Variants in ABCE1 observed in about 807,000 individuals in gnomAD.
ABCE1 encodes the protein ATP binding cassette subfamily E member 1, also known as ATP-binding cassette sub-family E member 1.
A neutral mutation model predicts 83.4 loss-of-function variants in ABCE1; 22 were observed. That is an observed-to-expected ratio of 0.26 (90% confidence interval 0.19 to 0.38). ABCE1 has a LOEUF of 0.38. ABCE1 is among the 10% of genes least tolerant of loss of function. The probability of loss-of-function intolerance (pLI) is 1.00; values close to 1 mark genes in which losing one functional copy is unlikely to be tolerated. For missense variants in ABCE1, 330 were observed against 721.9 expected, an observed-to-expected ratio of 0.46 and a Z score of 6.22; for synonymous variants, 204 against 233.7, an observed-to-expected ratio of 0.87 and a Z score of 1.16.
chr4:145,118,718 C>T (rs1749667883), intron 10 of ABCE1, among the ~76,000 whole-genome samples: 1 of 151,770 alleles, frequency 6.6e-6, no homozygotes, highest in South Asian at 2.1e-4. Flanking sequence ...TGTGCTCGAT[C>T]TATTAAAACA....
Position 145,110,119 on chromosome 4 carries a change from AGGAGATTTT to A in ABCE1, c.424_432del (p.Glu142_Leu144del). On this transcript the variant is annotated inframe_deletion, in exon 6 of 18. Coordinates refer to ENST00000296577, the MANE Select transcript of ABCE1 (RefSeq NM_002940.3). The stretch of plus-strand genomic sequence containing the variant: ...TTTTTTTAGGATCCTCCTGACTGGC[AGGAGATTTT>A]GACTTATTTCCGTGGATCTGAATTA... 2 of 1,574,398 alleles carry A rather than the reference AGGAGATTTT, an allele frequency of 1.3e-6. No individual in the cohort carries two copies. Among genetic ancestry groups the A allele is most frequent in the Non-Finnish European group, 1.7e-6 (2 of 1,166,420 alleles).
intron 7 of ABCE1, 98 bp downstream of exon 7, chr4:145,110,542 C>A: frequency 8.7e-7 from 1 of 1,149,860 alleles, no homozygotes; most frequent in Non-Finnish European, 1.3e-6. Context: ...ATGATGCAAC[C>A]TCTGCTTACC....
At chr4:145,104,163 A>T (rs1023375146) in intron 1 of ABCE1, among the ~76,000 whole-genome samples, 2 of 151,732 alleles carry the variant, frequency 1.3e-5, no homozygotes, top group Non-Finnish European at 2.9e-5. Flanking sequence ...TTCTTTCCTT[A>T]TATAAATCTT....
intron 7 of ABCE1, 79 bp downstream of exon 7, chr4:145,110,523 T>TG (rs1749440289): frequency 4.3e-6 from 6 of 1,396,944 alleles, no homozygotes; most frequent in Non-Finnish European, 6.0e-6. Context: ...TTGCCCAGGC[T>TG]GGGGTGCAAT....
At chr4:145,113,066 A>C (rs910353284) in intron 9 of ABCE1, among the ~76,000 whole-genome samples, 6 of 152,230 alleles carry the variant, frequency 3.9e-5, no homozygotes, top group Non-Finnish European at 8.8e-5. Context: ...GAGAAATCCC[A>C]AATGGTCAAA....
intron 8 of ABCE1, 199 bp downstream of exon 8, chr4:145,111,263 A>G (rs1749464325): frequency 2.3e-6 from 1 of 433,708 alleles, no homozygotes; most frequent in Non-Finnish European, 4.1e-6. Context: ...ATATTTATTT[A>G]TTTAGATAGT....
chr4:145,121,569 C>T, intron 13 of ABCE1, 178 bp downstream of exon 13: 1 of 558,812 alleles, frequency 1.8e-6, no homozygotes, highest in Non-Finnish European at 3.1e-6. Flanking sequence ...TAAGAAAGTG[C>T]TTTAAAGATA....
chr4:145,117,813 G>A (rs933157621), intron 10 of ABCE1, among the ~76,000 whole-genome samples: 1 of 151,652 alleles, frequency 6.6e-6, no homozygotes, highest in Non-Finnish European at 1.5e-5. Flanking sequence ...AAATTTATCT[G>A]TAATATGTAT....
chr4:145,110,807 G>GTGTA, intron 7 of ABCE1, 161 bp from the exon 8 acceptor site: 1 of 581,442 alleles, frequency 1.7e-6, no homozygotes, highest in Non-Finnish European at 3.0e-6. Flanking sequence ...AGTGATGAAA[G>GTGTA]TACACATCTT....
intron 13 of ABCE1, chr4:145,121,902 C>T (rs1167463403): frequency 6.6e-6 from 1 of 152,286 alleles, no homozygotes; most frequent in Non-Finnish European, 1.5e-5. Context: ...AGATGTTTGT[C>T]ATCTTTTTGC....
At chr4:145,110,497 C>T (rs1290355667) in intron 7 of ABCE1, 53 bp downstream of exon 7, 17 of 1,549,100 alleles carry the variant, frequency 1.1e-5, no homozygotes, top group Middle Eastern at 4.6e-4. Flanking sequence ...TTTTTTGAGA[C>T]GGAGTTTCGC....
chr4:145,103,310 T>A (rs1749205218), intron 1 of ABCE1, among the ~76,000 whole-genome samples: 1 of 152,206 alleles, frequency 6.6e-6, no homozygotes, highest in Non-Finnish European at 1.5e-5. Flanking sequence ...GATCTCTTTC[T>A]AAATGGATAA....
At chr4:145,098,826 A>T (rs1016424034) in intron 1 of ABCE1, among the ~76,000 whole-genome samples, 1 of 152,204 alleles carries the variant, frequency 6.6e-6, no homozygotes, top group African/African-American at 2.4e-5. Flanking sequence ...ATATTGTCAC[A>T]TGTGCATATT....
intron 5 of ABCE1, among the ~76,000 whole-genome samples, chr4:145,109,605 T>C (rs1377277839): frequency 6.6e-6 from 1 of 152,222 alleles, no homozygotes; most frequent in African/African-American, 2.4e-5. Flanking sequence ...TTTCCAACTT[T>C]AGTACATAAA....
At chr4:145,122,162 C>T (rs1185246524) in intron 13 of ABCE1, 3 of 152,158 alleles carry the variant, frequency 2.0e-5, no homozygotes, top group Non-Finnish European at 4.4e-5. Flanking sequence ...TAAAGTTAAC[C>T]TCCTTTGATT....
intron 1 of ABCE1, among the ~76,000 whole-genome samples, chr4:145,101,987 A>G (rs1330060989): frequency 6.6e-6 from 1 of 152,200 alleles, no homozygotes; most frequent in Non-Finnish European, 1.5e-5. Flanking sequence ...GTGGAAAAAA[A>G]TGACCAAGTC....
intron 9 of ABCE1, among the ~76,000 whole-genome samples, 157 bp from the exon 10 acceptor site, chr4:145,117,135 AT>A (rs1254181002): frequency 2.6e-5 from 4 of 151,984 alleles, no homozygotes; most frequent in African/African-American, 9.7e-5. Flanking sequence ...ATTTTTAAAT[AT>A]GAGCATTGAT....
rs34516722 is a variant in ABCE1, at chr4:145,129,350, T to C, written c.*1777T>C. On this transcript the variant is annotated 3_prime_UTR_variant, in exon 18 of 18. Coordinates refer to ENST00000296577, the MANE Select transcript of ABCE1 (RefSeq NM_002940.3). ...ATTGCTAACACAAGAAAAATACTTA[T>C]AAAATCAGTATAAAATCAATGCAGA... Among the ~76,000 whole-genome samples, 1,309 of 152,190 alleles carry C rather than the reference T, an allele frequency of 8.6e-3. 20 individuals carry two copies. The highest frequency in any genetic ancestry group is 0.03 in the African/African-American group (1,234 of 41,526).
chr4:145,105,587 T>C lies in ABCE1; in HGVS notation c.104-18T>C, dbSNP rs754923305. The C allele has an allele frequency of 1.3e-6, 2 of 1,539,138 alleles. No homozygotes were observed. The highest frequency in any genetic ancestry group is 1.4e-5 in the African/African-American group (1 of 72,598). ...AAGATCAAAGGAAATGGCTTAATTA[T>C]ATCTTTTCCTTTACCAGGAAAATTA... On this transcript the variant is annotated intron_variant, in intron 2 of 17. Transcript: ENST00000296577.
Sources: gnomAD v4.1 joint callset for allele counts (sites outside exome capture counted in the v4.1 genomes callset) on GRCh38, gnomAD v4.1.1 for gene constraint, MANE v1.5 for transcripts, NCBI Gene and HGNC (gene_info 2026-07-23, HGNC 2026-07-21) for gene names.